FRMD4A: variants seen among roughly 807,000 people sequenced by gnomAD.
The protein encoded by FRMD4A is FERM domain containing 4A, also known as FERM domain-containing protein 4A.
In FRMD4A, 29 loss-of-function variants were observed where a neutral mutation model predicts 129.1. The observed-to-expected ratio is 0.22, with a 90% confidence interval of 0.17 to 0.31. FRMD4A has a LOEUF of 0.31. FRMD4A is among the 10% of genes least tolerant of loss of function. The pLI is 1.00. For missense variants in FRMD4A, 1,272 were observed against 1,375.8 expected (o/e 0.92, Z 1.19); for synonymous variants, 634 against 571.6 (o/e 1.11, Z -1.56).
Position 14,041,079 on chromosome 10 carries a change from C to A in FRMD4A, c.46-182167G>T, listed in dbSNP as rs146714968. 2.3e-3 allele frequency among the ~76,000 whole-genome samples: 356 copies of A among 152,316 alleles called. 1 individual carries two copies. The highest frequency in any genetic ancestry group is 7.8e-3 in the African/African-American group (324 of 41,564). ...AATGACTTATTTTATCATAATGAAG[C>A]TTTTAAAATGGCAACTTGCAGTACT... On this transcript the variant is annotated intron_variant, in intron 2 of 24. Transcript: ENST00000357447.
chr10:13,845,697 T>A (rs2094035591), intron 3 of FRMD4A, among the ~76,000 whole-genome samples: 1 of 152,104 alleles, frequency 6.6e-6, no homozygotes, highest in African/African-American at 2.4e-5. Context: ...GATGTTCTAG[T>A]GAATTTAACC....
At chr10:13,761,552 T>C (rs1376623882) in intron 8 of FRMD4A, 95 bp downstream of exon 8, 10 of 800,616 alleles carry the variant, frequency 1.2e-5, no homozygotes, top group South Asian at 3.2e-5. Context: ...CATGAATAAA[T>C]TGTCCACCTA....
At chr10:14,303,360 A>G (rs1046420118) in intron 2 of FRMD4A, among the ~76,000 whole-genome samples, 43 of 152,226 alleles carry the variant, frequency 2.8e-4, no homozygotes, top group African/African-American at 9.4e-4. Flanking sequence ...TGCATTTCCC[A>G]CAAGCTCCCT....
At chr10:14,241,394 T>C (rs946586525) in intron 2 of FRMD4A, among the ~76,000 whole-genome samples, 1 of 152,130 alleles carries the variant, frequency 6.6e-6, no homozygotes, top group Non-Finnish European at 1.5e-5. Flanking sequence ...GAACCTTTTT[T>C]GTGATTGTCA....
chr10:14,069,123 C>T (rs1835200815), intron 2 of FRMD4A, among the ~76,000 whole-genome samples: 1 of 152,016 alleles, frequency 6.6e-6, no homozygotes. Context: ...TATCATTGGC[C>T]TTCTGTGTTA....
chr10:14,317,747 C>T (rs922641279), intron 2 of FRMD4A, among the ~76,000 whole-genome samples: 5 of 69,220 alleles, frequency 7.2e-5, no homozygotes, highest in African/African-American at 1.2e-4. Context: ...GAAGACAAGA[C>T]AAGAGACGGA....
At chr10:14,075,203 G>T (rs1453470259) in intron 2 of FRMD4A, among the ~76,000 whole-genome samples, 1 of 152,118 alleles carries the variant, frequency 6.6e-6, no homozygotes, top group East Asian at 1.9e-4. Context: ...TTGAAAAATG[G>T]TTTTTCCTTC....
At position 13,701,330 on chromosome 10, in the gene FRMD4A, G is replaced by A. The variant is rs372956868; in HGVS notation, c.975+10C>T. 2 of 1,610,652 alleles carry A rather than the reference G, an allele frequency of 1.2e-6. No individual in the cohort carries two copies. Among genetic ancestry groups the A allele is most frequent in the East Asian group, 2.2e-5 (1 of 44,840 alleles). ...ATGGCCCGGGCTTGGTGAGAGGTCT[G>A]GTCACTCACCTTACTCTGCTTTCTG... On this transcript the variant is annotated intron_variant, in intron 14 of 24. Transcript: ENST00000357447.
chr10:13,844,090 G>A (rs769173785), intron 3 of FRMD4A, among the ~76,000 whole-genome samples: 5 of 152,166 alleles, frequency 3.3e-5, no homozygotes, highest in Non-Finnish European at 7.4e-5. Context: ...GAGTGTGTGT[G>A]TGTTATATGA....
At chr10:14,039,614 C>T (rs894123491) in intron 2 of FRMD4A, among the ~76,000 whole-genome samples, 13 of 152,112 alleles carry the variant, frequency 8.5e-5, no homozygotes, top group Non-Finnish European at 1.9e-4. Flanking sequence ...TCAAAGTCAT[C>T]CCTCTGCTCA....
chr10:13,971,744 C>A, intron 2 of FRMD4A: 1 of 1,304,452 alleles, frequency 7.7e-7, no homozygotes, highest in South Asian at 1.2e-5. Flanking sequence ...CAGCGCCCGA[C>A]AAGTCAGGTT....
At chr10:13,914,736 C>T (rs1003071327) in intron 2 of FRMD4A, among the ~76,000 whole-genome samples, 2 of 152,084 alleles carry the variant, frequency 1.3e-5, no homozygotes, top group African/African-American at 2.4e-5. Flanking sequence ...CTGAATGTTA[C>T]TGACAGCAAC....
intron 2 of FRMD4A, among the ~76,000 whole-genome samples, chr10:14,020,672 T>C (rs1382563164): frequency 6.6e-6 from 1 of 152,046 alleles, no homozygotes; most frequent in Admixed American, 6.6e-5. Context: ...CCCAATTTTT[T>C]TTTTTGTTTT....
In FRMD4A at chr10:13,657,469, T is replaced by G. The variant is rs1589231240; in HGVS notation, c.2120A>C (p.His707Pro). Residue 707 changes from histidine to proline, a missense_variant, in exon 22 of 25, where the codon CAC (histidine) becomes CCC (proline). His to Pro is a moderately conservative substitution (Grantham distance 77, BLOSUM62 -2). This residue lies in a region of FRMD4A where 972 missense variants were observed against 892.3 expected (regional missense o/e 1.09). Transcript: ENST00000357447. The part of the protein sequence containing the change: ...RLHSLALHFR[H>P]RSSSLESQGK... ...CTGGGACTCCAGGCTGGAGCTCCGG[T>G]GCCTAAAGTGCAGTGCGAGGCTGTG... The G allele has an allele frequency of 6.2e-7, 1 of 1,610,318 alleles. No homozygotes were observed.
intron 2 of FRMD4A, among the ~76,000 whole-genome samples, chr10:13,961,075 G>A (rs76480981): frequency 0.011 from 1,741 of 152,266 alleles, 42 homozygotes; most frequent in African/African-American, 0.04. Flanking sequence ...AAAATGGATT[G>A]AGCACAGTTA....
intron 2 of FRMD4A, among the ~76,000 whole-genome samples, chr10:14,033,173 G>A (rs1191841621): frequency 6.6e-6 from 1 of 152,094 alleles, no homozygotes; most frequent in East Asian, 1.9e-4. Context: ...CGGGCGTGGT[G>A]GCACATGCTT....
At chr10:14,211,256 A>G (rs1332550977) in intron 2 of FRMD4A, among the ~76,000 whole-genome samples, 1 of 152,172 alleles carries the variant, frequency 6.6e-6, no homozygotes, top group Non-Finnish European at 1.5e-5. Context: ...AATCCTCTCA[A>G]AAACCCTATG....
chr10:14,148,785 C>T (rs1840205115), intron 2 of FRMD4A, among the ~76,000 whole-genome samples: 1 of 150,650 alleles, frequency 6.6e-6, no homozygotes, highest in Non-Finnish European at 1.5e-5. Context: ...AGAAAAGAAA[C>T]AATGAGAATA....
intron 2 of FRMD4A, among the ~76,000 whole-genome samples, chr10:14,295,234 G>A (rs1316847625): frequency 6.6e-6 from 1 of 152,138 alleles, no homozygotes; most frequent in Non-Finnish European, 1.5e-5. Flanking sequence ...GCCACCTCCT[G>A]ATTTCACTCC....
Sources: allele counts gnomAD v4.1 joint callset (sites outside exome capture counted in the v4.1 genomes callset), GRCh38; gene constraint gnomAD v4.1.1; regional missense constraint gnomAD v4.1.1; transcripts MANE v1.5; gene names NCBI Gene and HGNC (gene_info 2026-07-23, HGNC 2026-07-21).